Variants in GALNTL6 observed in about 807,000 individuals in gnomAD.
GALNTL6 encodes the protein polypeptide N-acetylgalactosaminyltransferase like 6, also known as polypeptide N-acetylgalactosaminyltransferase-like 6.
Under a neutral mutation model 73.7 loss-of-function variants are expected in GALNTL6, and 46 were observed. That is an observed-to-expected ratio of 0.62 (90% CI 0.49 to 0.80). The LOEUF (loss-of-function observed/expected upper bound fraction) is 0.80, where lower values mean the gene tolerates loss of function less well. Ranked by LOEUF, GALNTL6 falls within the 30% of genes least tolerant of loss-of-function variation. The pLI is 0.00. For missense variants in GALNTL6, 604 were observed against 755.0 expected, an observed-to-expected ratio of 0.80 and a Z score of 2.34; for synonymous variants, 259 against 263.7, an observed-to-expected ratio of 0.98 and a Z score of 0.17.
chr4:172,423,352 C>A (rs1362017602), intron 5 of GALNTL6, among the ~76,000 whole-genome samples: 1 of 152,040 alleles, frequency 6.6e-6, no homozygotes, highest in Non-Finnish European at 1.5e-5. Flanking sequence ...ATCCATTTGG[C>A]ATTACCTAAT....
rs1190462698 is a variant in GALNTL6, at chr4:172,071,169, A to T, written c.139-158487A>T. Among the ~76,000 whole-genome samples the T allele has an allele frequency of 4.6e-5, 5 of 109,356 alleles. 2 individuals carry two copies. Among genetic ancestry groups the T allele is most frequent in the African/African-American group, 1.7e-4 (5 of 28,910 alleles). The allele number at this position is 109,356 out of a possible 152,430, so 71.7% of individuals were successfully genotyped here. On this transcript the variant is annotated intron_variant, in intron 2 of 12. Transcript: ENST00000506823. ...CTTAAATATAATGAGACATAGTTAG[A>T]CTCAATGACATGAAGTTATCCAGGT... is the stretch of plus-strand genomic sequence containing the variant.
intron 2 of GALNTL6, among the ~76,000 whole-genome samples, chr4:171,999,144 T>C (rs552703367): frequency 1.3e-5 from 2 of 152,324 alleles, no homozygotes; most frequent in East Asian, 3.9e-4. Context: ...GCCTGATTCC[T>C]ATGTTATTTA....
Position 172,772,163 on chromosome 4 carries a change from T to C in GALNTL6, c.554-37198T>C, listed in dbSNP as rs192558451. Among the ~76,000 whole-genome samples, 516 of 152,252 alleles carry C rather than the reference T, an allele frequency of 3.4e-3. 5 individuals carry two copies. Among genetic ancestry groups the C allele is most frequent in the South Asian group, 0.028 (137 of 4,816 alleles). On this transcript the variant is annotated intron_variant, in intron 5 of 12. Coordinates refer to ENST00000506823, the MANE Select transcript of GALNTL6 (RefSeq NM_001034845.3). ...TGAGAAGAGCATGGGAAAGACCTAC[T>C]CCCACGATTCAATTGCCTCCCATCG...
rs142480933 is a variant in GALNTL6, at chr4:172,684,181, T to C, written c.554-125180T>C. Among the ~76,000 whole-genome samples, 294 of 152,336 alleles carry C rather than the reference T, an allele frequency of 1.9e-3. 2 individuals carry two copies. The highest frequency in any genetic ancestry group is 6.8e-3 in the African/African-American group (283 of 41,586). On this transcript the variant is annotated intron_variant, in intron 5 of 12. Transcript: ENST00000506823. Reference sequence around the variant, plus strand: ...TCTTTAAAATTAAGAAGTTTGTATGTAGCAGATAACAGTTGCTCACCTTCT... The same window carrying C: ...TCTTTAAAATTAAGAAGTTTGTATGCAGCAGATAACAGTTGCTCACCTTCT...
intron 4 of GALNTL6, among the ~76,000 whole-genome samples, chr4:172,322,856 G>C (rs1740806714): frequency 6.6e-6 from 1 of 151,874 alleles, no homozygotes; most frequent in African/African-American, 2.4e-5. Flanking sequence ...GAAAAAAAAA[G>C]AATGAAGAAA....
chr4:172,440,164 CTTACACTCACACAAGAA>C (rs1424479208), intron 5 of GALNTL6, among the ~76,000 whole-genome samples: 6 of 152,198 alleles, frequency 3.9e-5, no homozygotes, highest in Admixed American at 3.9e-4. Flanking sequence ...GAGTAGAAAA[CTTACACTCACACAAGAA>C]TTTGCAGCTG....
intron 2 of GALNTL6, among the ~76,000 whole-genome samples, chr4:171,904,164 G>A (rs578079382): frequency 0.013 from 1,920 of 152,314 alleles, 22 homozygotes; most frequent in Middle Eastern, 0.034. Flanking sequence ...GACGAGCTGA[G>A]AGAAGAAGGC....
intron 2 of GALNTL6, among the ~76,000 whole-genome samples, chr4:172,182,553 C>CAAAAAAAAAAAAAA (rs34354883): frequency 3.1e-5 from 4 of 127,458 alleles, no homozygotes; most frequent in African/African-American, 5.8e-5. Context: ...TGAAAAATAC[C>CAAAAAAAAAAAAAA]AAAAAAAAAA....
chr4:171,857,922 G>A (rs1305195707), intron 2 of GALNTL6, among the ~76,000 whole-genome samples: 1 of 152,140 alleles, frequency 6.6e-6, no homozygotes, highest in Non-Finnish European at 1.5e-5. Context: ...TGTCTTGCCT[G>A]GTTCATAGCT....
At chr4:172,611,531 A>C (rs1738526536) in intron 5 of GALNTL6, among the ~76,000 whole-genome samples, 1 of 152,058 alleles carries the variant, frequency 6.6e-6, no homozygotes, top group African/African-American at 2.4e-5. Context: ...GGTTCTGCCA[A>C]AAGGTCCACT....
At chr4:172,440,327 T>C in intron 5 of GALNTL6, among the ~76,000 whole-genome samples, 1 of 151,944 alleles carries the variant, frequency 6.6e-6, no homozygotes, top group African/African-American at 2.4e-5. Flanking sequence ...TACTGAGCCA[T>C]GAAAAGACAT....
intron 2 of GALNTL6, among the ~76,000 whole-genome samples, chr4:171,854,456 A>T (rs543893899): frequency 1.4e-4 from 22 of 152,328 alleles, no homozygotes; most frequent in African/African-American, 5.3e-4. Flanking sequence ...CATGATAGGT[A>T]TCTGCTATTT....
intron 12 of GALNTL6, among the ~76,000 whole-genome samples, chr4:173,029,090 A>G (rs10017142): frequency 0.018 from 2,795 of 152,350 alleles, 97 homozygotes; most frequent in African/African-American, 0.064. Context: ...GTTATTTTAA[A>G]TCATTCTGGA....
chr4:172,674,162 G>A (rs768730991), intron 5 of GALNTL6, among the ~76,000 whole-genome samples: 2 of 152,140 alleles, frequency 1.3e-5, no homozygotes, highest in Non-Finnish European at 2.9e-5. Flanking sequence ...AGGTCCCGTG[G>A]TGACAATTTC....
intron 5 of GALNTL6, among the ~76,000 whole-genome samples, chr4:172,725,008 C>T (rs1407070470): frequency 6.6e-6 from 1 of 152,108 alleles, no homozygotes; most frequent in Non-Finnish European, 1.5e-5. Context: ...GTCTTCGTCT[C>T]CCCCAACAGC....
chr4:172,431,683 A>G (rs897602883), intron 5 of GALNTL6, among the ~76,000 whole-genome samples: 5 of 152,122 alleles, frequency 3.3e-5, no homozygotes, highest in African/African-American at 1.2e-4. Context: ...TTTGTGGAAG[A>G]TTTCATAACA....
At chr4:172,630,997 C>T (rs896456432) in intron 5 of GALNTL6, among the ~76,000 whole-genome samples, 2 of 151,446 alleles carry the variant, frequency 1.3e-5, no homozygotes, top group African/African-American at 4.8e-5. Context: ...TATATATAAA[C>T]TGTATGAAAA....
chr4:172,074,400 A>G (rs563523125), intron 2 of GALNTL6, among the ~76,000 whole-genome samples: 1 of 152,204 alleles, frequency 6.6e-6, no homozygotes, highest in South Asian at 2.1e-4. Context: ...AAACAAAAAA[A>G]CAAGACATTT....
At chr4:172,516,725 T>G (rs1451390996) in intron 5 of GALNTL6, among the ~76,000 whole-genome samples, 1 of 152,192 alleles carries the variant, frequency 6.6e-6, no homozygotes, top group Non-Finnish European at 1.5e-5. Flanking sequence ...CAAAAAGATT[T>G]GTATATCCAT....
Sources: allele counts gnomAD v4.1 joint callset (sites outside exome capture counted in the v4.1 genomes callset), GRCh38; gene constraint gnomAD v4.1.1; transcripts MANE v1.5; gene names NCBI Gene and HGNC (gene_info 2026-07-23, HGNC 2026-07-21).